PCSK5: variants seen among roughly 807,000 people sequenced by gnomAD.
PCSK5 encodes proprotein convertase subtilisin/kexin type 5.
In PCSK5, 129 loss-of-function variants were observed where a neutral mutation model predicts 233.2. The ratio of observed to expected loss-of-function variants is 0.55; its 90% CI spans 0.48 to 0.64. The LOEUF is 0.64. Ranked by LOEUF, PCSK5 falls within the 30% of genes least tolerant of loss-of-function variation. The pLI is 0.00. For missense variants in PCSK5, 2,076 were observed against 2,430.1 expected, an observed-to-expected ratio of 0.85 and a Z score of 3.06; for synonymous variants, 825 against 879.2, an observed-to-expected ratio of 0.94 and a Z score of 1.09.
intron 1 of PCSK5, among the ~76,000 whole-genome samples, chr9:75,908,903 CTA>C (rs1319457968): frequency 6.1e-5 from 8 of 130,256 alleles, no homozygotes; most frequent in Non-Finnish European, 1.1e-4. Flanking sequence ...ATCTATCTAT[CTA>C]TCTATCTATC....
At position 76,161,314 on chromosome 9, in the gene PCSK5, C is replaced by T. The variant is rs576370848; in HGVS notation, c.1619+2143C>T. Among the ~76,000 whole-genome samples, 10 of 152,306 alleles carry T rather than the reference C, an allele frequency of 6.6e-5. No individual in the cohort carries two copies. The South Asian group carries it at 2.1e-3, about 32-fold the overall frequency. On this transcript the variant is annotated intron_variant, in intron 12 of 37. Coordinates refer to ENST00000674117, the MANE Select transcript of PCSK5 (RefSeq NM_001372043.1). ...AGACAAAGAGCCCTCAGCAGGCCGCCTGCAGGGTAATTGCAGGTACCTGCC... is the reference window on the plus strand; with the variant it reads ...AGACAAAGAGCCCTCAGCAGGCCGCTTGCAGGGTAATTGCAGGTACCTGCC...
intron 3 of PCSK5, among the ~76,000 whole-genome samples, chr9:76,016,729 A>G (rs923573949): frequency 5.3e-5 from 8 of 152,202 alleles, no homozygotes; most frequent in African/African-American, 1.9e-4. Flanking sequence ...GAAAGTTTCT[A>G]ATGCACGATG....
chr9:75,915,763 G>A (rs1822960714), intron 1 of PCSK5, among the ~76,000 whole-genome samples: 1 of 152,140 alleles, frequency 6.6e-6, no homozygotes, highest in African/African-American at 2.4e-5. Flanking sequence ...GTCCAGATAA[G>A]TATAAGTCTT....
intron 3 of PCSK5, among the ~76,000 whole-genome samples, chr9:76,015,065 A>G (rs892571284): frequency 3.3e-5 from 5 of 152,174 alleles, no homozygotes; most frequent in Non-Finnish European, 5.9e-5. Context: ...ATGGAAGCCT[A>G]GGAAAGCCAG....
At chr9:76,288,199 G>C (rs1564158509) in intron 24 of PCSK5, 1 of 152,200 alleles carries the variant, frequency 6.6e-6, no homozygotes, top group African/African-American at 2.4e-5. Context: ...TGCTTTGACA[G>C]TATGTGATTC....
chr9:76,049,654 C>A (rs928176755), intron 5 of PCSK5, among the ~76,000 whole-genome samples: 7 of 152,108 alleles, frequency 4.6e-5, no homozygotes, highest in Non-Finnish European at 7.3e-5. Context: ...GCTTAGTAAC[C>A]CCAAGGAGCC....
intron 1 of PCSK5, among the ~76,000 whole-genome samples, chr9:75,925,753 C>T (rs1047740041): frequency 6.6e-5 from 10 of 152,140 alleles, no homozygotes; most frequent in Admixed American, 5.2e-4. Context: ...GGAAAGCAAT[C>T]GTGGCCTCCT....
chr9:76,209,929 T>G (rs1407033689), intron 20 of PCSK5, among the ~76,000 whole-genome samples: 1 of 152,112 alleles, frequency 6.6e-6, no homozygotes, highest in African/African-American at 2.4e-5. Context: ...GAGGCTACTT[T>G]GAGTTGTAGA....
At chr9:76,166,226 C>T (rs913775693) in intron 12 of PCSK5, among the ~76,000 whole-genome samples, 1 of 152,152 alleles carries the variant, frequency 6.6e-6, no homozygotes, top group Non-Finnish European at 1.5e-5. Context: ...CTCTCCTCAA[C>T]TCTTATATTC....
chr9:75,919,014 G>A (rs77637649), intron 1 of PCSK5, among the ~76,000 whole-genome samples: 15,896 of 152,142 alleles, frequency 0.1, 1,240 homozygotes, highest in African/African-American at 0.22. Flanking sequence ...TCACTGTACA[G>A]TTCTGTACGT....
intron 1 of PCSK5, among the ~76,000 whole-genome samples, chr9:75,924,382 T>C (rs1054922559): frequency 2.6e-5 from 4 of 152,186 alleles, no homozygotes. Context: ...TTTTTGTCAT[T>C]GTGTGGCATT....
intron 20 of PCSK5, among the ~76,000 whole-genome samples, chr9:76,211,746 G>T (rs572811621): frequency 6.6e-6 from 1 of 152,340 alleles, no homozygotes; most frequent in East Asian, 1.9e-4. Context: ...TACTCAGGAG[G>T]CTGAGGCTAG....
At chr9:76,006,698 T>C (rs942407979) in intron 3 of PCSK5, among the ~76,000 whole-genome samples, 1 of 152,200 alleles carries the variant, frequency 6.6e-6, no homozygotes, top group Non-Finnish European at 1.5e-5. Context: ...TCATCCACCA[T>C]CAGTTCTTTT....
At chr9:76,086,436 G>A (rs1247909086) in intron 7 of PCSK5, among the ~76,000 whole-genome samples, 2 of 152,146 alleles carry the variant, frequency 1.3e-5, no homozygotes, top group African/African-American at 2.4e-5. Context: ...ATGTAGGAAG[G>A]AGTGACCGGA....
In PCSK5 at chr9:76,159,090, C is replaced by G. The variant is rs373871604; in HGVS notation, c.1538C>G (p.Thr513Ser). ...CTGGAGCACGTCGTTGTGCGCATCA[C>G]CATCACCCACCCCAGGAGAGGAGAC... is the stretch of plus-strand genomic sequence containing the variant. ...NYLEHVVVRI[T>S]ITHPRRGDLA... Residue 513 changes from threonine (T) to serine (S), a missense_variant, in exon 12 of 38, where the codon ACC becomes AGC. Transcript: ENST00000674117. 4 of 1,614,186 alleles carry G rather than the reference C, an allele frequency of 2.5e-6. No homozygotes were observed. Among genetic ancestry groups the G allele is most frequent in the Non-Finnish European group, 3.4e-6 (4 of 1,180,010 alleles).
At chr9:76,096,938 A>AT (rs113905526) in intron 8 of PCSK5, among the ~76,000 whole-genome samples, 177 of 135,264 alleles carry the variant, frequency 1.3e-3, no homozygotes, top group South Asian at 4.0e-3. Context: ...TTTATTTTTT[A>AT]TTTTTTTTTT....
intron 1 of PCSK5, among the ~76,000 whole-genome samples, chr9:75,912,402 C>T (rs1039887096): frequency 6.6e-5 from 10 of 152,032 alleles, no homozygotes; most frequent in African/African-American, 1.4e-4. Context: ...GGGAGTGGGT[C>T]GGAGAGATGG....
chr9:76,245,230 A>G (rs1052474366), intron 24 of PCSK5, among the ~76,000 whole-genome samples: 3 of 152,210 alleles, frequency 2.0e-5, no homozygotes, highest in Non-Finnish European at 4.4e-5. Flanking sequence ...ATAGTGGTTA[A>G]TGTGCCCTTG....
At chr9:76,349,193 C>G (rs909080784) in intron 35 of PCSK5, among the ~76,000 whole-genome samples, 2 of 145,136 alleles carry the variant, frequency 1.4e-5, no homozygotes, top group Admixed American at 7.1e-5. Flanking sequence ...AGAATGGCGT[C>G]AACCCAGGAG....
Sources: allele counts gnomAD v4.1 joint callset (sites outside exome capture counted in the v4.1 genomes callset), GRCh38; gene constraint gnomAD v4.1.1; transcripts MANE v1.5; gene names NCBI Gene and HGNC (gene_info 2026-07-23, HGNC 2026-07-21).